The following LAMA2 variants were observed in gnomAD, a reference collection of about 807,000 sequenced individuals.
The protein encoded by LAMA2 is laminin subunit alpha-2.
In LAMA2, 269 loss-of-function variants were observed where a neutral mutation model predicts 364.8. That is an observed-to-expected ratio of 0.74 (90% confidence interval 0.67 to 0.82). The LOEUF is 0.82. Ranked by LOEUF, LAMA2 falls within the 40% of genes least tolerant of loss-of-function variation. The pLI, the probability that LAMA2 is intolerant of heterozygous loss-of-function variation, is 0.00. For synonymous variants in LAMA2, 1,379 were observed against 1,370.6 expected, an observed-to-expected ratio of 1.01 and a Z score of -0.14; for missense variants, 3,807 against 3,873.2, an observed-to-expected ratio of 0.98 and a Z score of 0.45.
intron 12 of LAMA2, among the ~76,000 whole-genome samples, chr6:129,228,056 C>T (rs919262015): frequency 3.9e-5 from 6 of 152,174 alleles, no homozygotes; most frequent in Non-Finnish European, 7.4e-5. Context: ...AACCTTGCTG[C>T]CACCTTGCAG....
chr6:129,163,278 T>C (rs1779551049), intron 8 of LAMA2, among the ~76,000 whole-genome samples: 1 of 152,164 alleles, frequency 6.6e-6, no homozygotes, highest in Admixed American at 6.5e-5. Flanking sequence ...TCATTTCCAT[T>C]CATCTGTCAT....
chr6:129,006,800 A>G (rs1784466284), intron 1 of LAMA2, among the ~76,000 whole-genome samples: 1 of 151,982 alleles, frequency 6.6e-6, no homozygotes, highest in Non-Finnish European at 1.5e-5. Context: ...CACCAGTCCA[A>G]CTTGGTCTTT....
intron 12 of LAMA2, among the ~76,000 whole-genome samples, chr6:129,219,654 A>C (rs1466690422): frequency 2.5e-4 from 36 of 144,630 alleles, no homozygotes; most frequent in African/African-American, 6.7e-4. Context: ...GCCATAAAAA[A>C]TGATGAGTTC....
At chr6:129,468,165 AC>A (rs1382432509) in intron 51 of LAMA2, among the ~76,000 whole-genome samples, 1 of 151,868 alleles carries the variant, frequency 6.6e-6, no homozygotes, top group Non-Finnish European at 1.5e-5. Flanking sequence ...GGTATTAATG[AC>A]ATGAATCATT....
intron 4 of LAMA2, among the ~76,000 whole-genome samples, chr6:129,112,038 G>A (rs80147728): frequency 0.029 from 4,422 of 152,032 alleles, 208 homozygotes; most frequent in African/African-American, 0.1. Context: ...ATAATCACAT[G>A]TGTAGATGTT....
intron 1 of LAMA2, among the ~76,000 whole-genome samples, chr6:128,917,107 C>T (rs1778367301): frequency 6.6e-6 from 1 of 151,118 alleles, no homozygotes; most frequent in South Asian, 2.1e-4. Flanking sequence ...TTTTTAAAAT[C>T]CCATGGTATC....
intron 61 of LAMA2, among the ~76,000 whole-genome samples, chr6:129,506,004 G>T (rs1357644585): frequency 6.6e-6 from 1 of 152,104 alleles, no homozygotes; most frequent in Non-Finnish European, 1.5e-5. Flanking sequence ...GCAAAACAGG[G>T]TAATGATAAT....
chr6:129,195,633 C>T (rs1007929990), intron 12 of LAMA2, among the ~76,000 whole-genome samples: 2 of 152,162 alleles, frequency 1.3e-5, no homozygotes, highest in African/African-American at 4.8e-5. Context: ...AATTTTCCCG[C>T]CTCGTTCTTG....
chr6:129,205,115 C>T (rs1464199433), intron 12 of LAMA2, among the ~76,000 whole-genome samples: 3 of 151,840 alleles, frequency 2.0e-5, no homozygotes, highest in South Asian at 2.1e-4. Flanking sequence ...TATAGCTGGG[C>T]AGGGTGGCTC....
chr6:129,044,148 C>G (rs1314240525), intron 1 of LAMA2, among the ~76,000 whole-genome samples: 4 of 151,680 alleles, frequency 2.6e-5, no homozygotes, highest in Non-Finnish European at 5.9e-5. Context: ...CTTAGGTGCA[C>G]TCCAGATATC....
chr6:129,206,098 GAGGGAGGGAGGA>G lies in LAMA2; in HGVS notation c.1782+13249_1782+13260del, dbSNP rs1444914237. Among the ~76,000 whole-genome samples, 348 of 98,422 alleles carry G rather than the reference GAGGGAGGGAGGA, an allele frequency of 3.5e-3. 1 individual carries two copies. Among genetic ancestry groups the G allele is most frequent in the African/African-American group, 0.018 (335 of 18,398 alleles). 64.6% of individuals were successfully genotyped at this position (98,422 alleles called of 152,430 possible). A position where few individuals can be genotyped will look rare whatever the true frequency, so the allele number is the denominator to read the frequency against. The stretch of plus-strand genomic sequence containing the variant: ...AAAGGAAAGGAGGAAGGAAGGGAGG[GAGGGAGGGAGGA>G]AGGAAGGAAGGAAGGAAGGAAGGAA... On this transcript the variant is annotated intron_variant, in intron 12 of 64. Transcript: ENST00000421865.
At chr6:129,304,787 T>G (rs1773765841) in intron 22 of LAMA2, among the ~76,000 whole-genome samples, 1 of 152,250 alleles carries the variant, frequency 6.6e-6, no homozygotes, top group African/African-American at 2.4e-5. Flanking sequence ...AAGGTATCGT[T>G]ACTGTTACTA....
chr6:129,413,714 A>G (rs1426315005), intron 40 of LAMA2, among the ~76,000 whole-genome samples: 1 of 152,296 alleles, frequency 6.6e-6, no homozygotes, highest in Non-Finnish European at 1.5e-5. Flanking sequence ...AGTATTTAAT[A>G]ACAGAATGGA....
chr6:129,495,832 C>CT (rs879394607), intron 58 of LAMA2, among the ~76,000 whole-genome samples: 2,652 of 145,142 alleles, frequency 0.018, 36 homozygotes, highest in Non-Finnish European at 0.017. Context: ...ATTTAAGGTT[C>CT]TTTTTTTTTT....
chr6:129,232,835 G>T (rs1177710732), intron 12 of LAMA2, among the ~76,000 whole-genome samples: 1 of 152,138 alleles, frequency 6.6e-6, no homozygotes. Flanking sequence ...AGAAGAGGGG[G>T]TCAGAGTGAT....
rs1278217420 is a variant in LAMA2 at position 128,883,272 on chromosome 6, CCTT to C, written c.30_32del (p.Leu13del). On this transcript the variant is annotated inframe_deletion, in exon 1 of 65. Transcript: ENST00000421865. ...TGCCGGGAGCCGCCGGGGTCCTCCT[CCTT>C]CTGCTGCTCTCCGGAGGCCTCGGGG... The C allele has an allele frequency of 3.8e-6, 6 of 1,564,584 alleles. No homozygotes were observed. The African/African-American group carries it at 8.1e-5, about 21-fold the overall frequency.
At chr6:129,073,511 GCTAGAC>G (rs1467938345) in intron 3 of LAMA2, among the ~76,000 whole-genome samples, 1 of 152,048 alleles carries the variant, frequency 6.6e-6, no homozygotes, top group African/African-American at 2.4e-5. Flanking sequence ...TCACATCCCT[GCTAGAC>G]CGTTTGCCGT....
intron 4 of LAMA2, among the ~76,000 whole-genome samples, chr6:129,127,819 G>A (rs1454824719): frequency 1.3e-5 from 2 of 151,962 alleles, no homozygotes; most frequent in Non-Finnish European, 2.9e-5. Flanking sequence ...TTTGAGCAAT[G>A]TCTATTCAGC....
chr6:129,497,698 C>T (rs191634106), intron 58 of LAMA2, among the ~76,000 whole-genome samples: 1 of 152,274 alleles, frequency 6.6e-6, no homozygotes, highest in Admixed American at 6.5e-5. Flanking sequence ...CCATCACACC[C>T]AATCCTGCCA....
Sources: allele counts gnomAD v4.1 joint callset (sites outside exome capture counted in the v4.1 genomes callset), GRCh38; gene constraint gnomAD v4.1.1; transcripts MANE v1.5; gene names NCBI Gene and HGNC (gene_info 2026-07-23, HGNC 2026-07-21).